The following DLG2 variants were observed in gnomAD, a reference collection of about 807,000 sequenced individuals.
DLG2 encodes the protein discs large MAGUK scaffold protein 2.
A neutral mutation model predicts 132.5 loss-of-function variants in DLG2; 45 were observed. That is an observed-to-expected ratio of 0.34 (90% CI 0.27 to 0.44). The LOEUF (loss-of-function observed/expected upper bound fraction) is 0.44. Among genes scored for constraint, DLG2 ranks in the 20% least tolerant of loss-of-function variants. The probability of loss-of-function intolerance (pLI) is 1.00; values close to 1 mark genes in which losing one functional copy is unlikely to be tolerated. For synonymous variants in DLG2, 424 were observed against 419.6 expected (o/e 1.01, Z -0.13); for missense variants, 1,045 against 1,196.9 (o/e 0.87, Z 1.87).
At chr11:84,705,715 AC>A (rs1281472148) in intron 6 of DLG2, among the ~76,000 whole-genome samples, 1 of 151,778 alleles carries the variant, frequency 6.6e-6, no homozygotes, top group Non-Finnish European at 1.5e-5. Flanking sequence ...TTTATCAAAT[AC>A]CTCATTTTCC....
chr11:83,719,039 G>A (rs949028427), intron 18 of DLG2, among the ~76,000 whole-genome samples: 1 of 152,136 alleles, frequency 6.6e-6, no homozygotes, highest in Non-Finnish European at 1.5e-5. Flanking sequence ...CTCTACTTCA[G>A]ACCTACTGAG....
At chr11:84,827,805 T>G (rs2078532561) in intron 6 of DLG2, among the ~76,000 whole-genome samples, 1 of 150,344 alleles carries the variant, frequency 6.7e-6, no homozygotes. Context: ...TCCAACGACA[T>G]GGATGAAACT....
At chr11:85,610,519 C>A (rs188412938) in intron 2 of DLG2, among the ~76,000 whole-genome samples, 4 of 152,204 alleles carry the variant, frequency 2.6e-5, no homozygotes, top group Admixed American at 1.3e-4. Flanking sequence ...CTTACACAGA[C>A]GATCTTGCCC....
chr11:85,379,531 G>GTC (rs2085703397), intron 3 of DLG2, among the ~76,000 whole-genome samples: 1 of 152,130 alleles, frequency 6.6e-6, no homozygotes, highest in South Asian at 2.1e-4. Flanking sequence ...CCCAAAACAA[G>GTC]TCTCTTCTTA....
intron 8 of DLG2, among the ~76,000 whole-genome samples, chr11:84,168,004 T>G (rs1485592595): frequency 1.3e-5 from 2 of 152,178 alleles, no homozygotes; most frequent in Non-Finnish European, 2.9e-5. Flanking sequence ...GTGTCACATA[T>G]TATAAAAGTG....
intron 6 of DLG2, among the ~76,000 whole-genome samples, chr11:84,719,884 C>G (rs1565769200): frequency 6.6e-6 from 1 of 152,074 alleles, no homozygotes; most frequent in East Asian, 1.9e-4. Flanking sequence ...TCGACCACCC[C>G]ACTTACTCCT....
intron 3 of DLG2, among the ~76,000 whole-genome samples, chr11:85,368,811 A>G (rs1596573328): frequency 6.6e-6 from 1 of 152,334 alleles, no homozygotes; most frequent in South Asian, 2.1e-4. Context: ...AGAAACTCTA[A>G]CCAGCCTGCC....
chr11:84,827,324 A>G (rs979524514), intron 6 of DLG2, among the ~76,000 whole-genome samples: 1 of 151,732 alleles, frequency 6.6e-6, no homozygotes, highest in African/African-American at 2.4e-5. Flanking sequence ...GGAATTTACA[A>G]TGACTAGAAG....
At chr11:85,096,443 C>G (rs757167154) in intron 6 of DLG2, among the ~76,000 whole-genome samples, 3 of 151,832 alleles carry the variant, frequency 2.0e-5, no homozygotes, top group Non-Finnish European at 4.4e-5. Context: ...GTAACACTCA[C>G]TGCAAAGGGC....
In DLG2 at chr11:84,893,061, C is replaced by T. The variant is rs935452958; in HGVS notation, c.357+218600G>A. Among the ~76,000 whole-genome samples the T allele has an allele frequency of 6.6e-5, 10 of 152,066 alleles. No homozygotes were observed. In the East Asian group the frequency reaches 9.7e-4, roughly 15 times the overall value. ...CCGAGTAGACATTAAACAATTTTGA[C>T]GCGTACTCTTCTTGTCAATAAAAAT... On this transcript the variant is annotated intron_variant, in intron 6 of 27. Transcript: ENST00000376104.
chr11:84,595,722 T>A (rs1236110843), intron 6 of DLG2, among the ~76,000 whole-genome samples: 1 of 152,190 alleles, frequency 6.6e-6, no homozygotes, highest in African/African-American at 2.4e-5. Flanking sequence ...TGAAAAAAGC[T>A]TACTATGATT....
chr11:85,562,742 T>C (rs1315287050), intron 3 of DLG2, among the ~76,000 whole-genome samples: 2 of 151,828 alleles, frequency 1.3e-5, no homozygotes, highest in African/African-American at 4.8e-5. Flanking sequence ...TATTCATTCA[T>C]TCATTCATTC....
intron 19 of DLG2, among the ~76,000 whole-genome samples, chr11:83,616,471 T>C (rs2060825442): frequency 6.6e-6 from 1 of 151,744 alleles, no homozygotes; most frequent in Admixed American, 6.5e-5. Flanking sequence ...GAAATGCCTG[T>C]TCAAGTCTTT....
At chr11:83,968,140 A>G (rs963091) in intron 12 of DLG2, among the ~76,000 whole-genome samples, 6,464 of 152,300 alleles carry the variant, frequency 0.042, 193 homozygotes, top group Non-Finnish European at 0.067. Flanking sequence ...CTGAATTCCT[A>G]TAGTACACAT....
At chr11:83,918,575 C>T (rs1032355792) in intron 15 of DLG2, among the ~76,000 whole-genome samples, 1 of 152,102 alleles carries the variant, frequency 6.6e-6, no homozygotes, top group African/African-American at 2.4e-5. Context: ...GGGAAAAGTG[C>T]CTGAATTAGA....
At chr11:83,660,207 G>A (rs1212509726) in intron 18 of DLG2, among the ~76,000 whole-genome samples, 1 of 152,082 alleles carries the variant, frequency 6.6e-6, no homozygotes. Context: ...TAGCCCTTAG[G>A]AGCTCTTAGC....
At chr11:83,771,998 T>A (rs972437319) in intron 18 of DLG2, among the ~76,000 whole-genome samples, 2 of 152,112 alleles carry the variant, frequency 1.3e-5, no homozygotes, top group African/African-American at 4.8e-5. Flanking sequence ...TGTGTTCCAT[T>A]TTTTTTTCTA....
intron 10 of DLG2, among the ~76,000 whole-genome samples, chr11:84,095,904 A>G (rs1337067915): frequency 6.6e-6 from 1 of 152,208 alleles, no homozygotes; most frequent in Non-Finnish European, 1.5e-5. Context: ...ATACACAGTC[A>G]TAGGCCATGG....
intron 18 of DLG2, among the ~76,000 whole-genome samples, chr11:83,781,139 T>C (rs1022293430): frequency 1.7e-4 from 26 of 152,252 alleles, no homozygotes; most frequent in African/African-American, 6.3e-4. Context: ...TTCCTTCAGA[T>C]GCCTGCATAG....
Sources: gnomAD v4.1 joint callset for allele counts (sites outside exome capture counted in the v4.1 genomes callset) on GRCh38, gnomAD v4.1.1 for gene constraint, MANE v1.5 for transcripts, NCBI Gene and HGNC (gene_info 2026-07-23, HGNC 2026-07-21) for gene names.